Variants in ARHGAP18 observed in about 807,000 individuals in gnomAD.
ARHGAP18 encodes the protein rho GTPase-activating protein 18.
ARHGAP18 carries 67 observed loss-of-function variants against 86.2 expected under a neutral mutation model. That is an observed-to-expected ratio of 0.78 (90% CI 0.64 to 0.95). The LOEUF (loss-of-function observed/expected upper bound fraction) is 0.95, where lower values mean the gene tolerates loss of function less well. Ranked by LOEUF, ARHGAP18 falls within the 40% of genes least tolerant of loss-of-function variation. The pLI, the probability that ARHGAP18 is intolerant of heterozygous loss-of-function variation, is 0.00. For synonymous variants in ARHGAP18, 283 were observed against 280.4 expected (o/e 1.01, Z -0.09); for missense variants, 691 against 780.4 (o/e 0.89, Z 1.37).
intron 9 of ARHGAP18, 110 bp downstream of exon 9, chr6:129,607,783 T>C (rs754379528): frequency 1.7e-4 from 203 of 1,222,118 alleles, no homozygotes; most frequent in Non-Finnish European, 1.9e-4. Context: ...TGAGTCAATA[T>C]GTCCACCCAA....
At chr6:129,609,079 G>A (rs1330781446) in intron 8 of ARHGAP18, among the ~76,000 whole-genome samples, 1 of 145,786 alleles carries the variant, frequency 6.9e-6, no homozygotes, top group Non-Finnish European at 1.5e-5. Flanking sequence ...AGGAGAGAGA[G>A]GGGGCATGGA....
At chr6:129,683,082 T>G (rs9492359) in intron 1 of ARHGAP18, among the ~76,000 whole-genome samples, 6 of 151,002 alleles carry the variant, frequency 4.0e-5, no homozygotes, top group Non-Finnish European at 8.9e-5. Context: ...TTTTTTTTTG[T>G]TTTTTTTGAG....
At chr6:129,667,117 A>G (rs1218134926) in intron 1 of ARHGAP18, among the ~76,000 whole-genome samples, 1 of 152,156 alleles carries the variant, frequency 6.6e-6, no homozygotes, top group Non-Finnish European at 1.5e-5. Flanking sequence ...ATTTTTTTTA[A>G]TCTAAAGGGA....
chr6:129,610,189 A>T (rs956497064), intron 8 of ARHGAP18, among the ~76,000 whole-genome samples: 3 of 152,258 alleles, frequency 2.0e-5, no homozygotes, highest in African/African-American at 7.2e-5. Context: ...AAAAGTTAGT[A>T]GTTAATGGCT....
intron 10 of ARHGAP18, among the ~76,000 whole-genome samples, chr6:129,601,113 TG>T (rs1464675534): frequency 6.6e-6 from 1 of 151,606 alleles, no homozygotes; most frequent in African/African-American, 2.4e-5. Context: ...GAGAGAGGAG[TG>T]GGGAAGTGTC....
chr6:129,584,808 T>C (rs898198038), intron 12 of ARHGAP18, among the ~76,000 whole-genome samples: 2 of 152,170 alleles, frequency 1.3e-5, no homozygotes, highest in Admixed American at 1.3e-4. Flanking sequence ...ATACTATTAT[T>C]TATAACCATT....
At chr6:129,592,740 A>G (rs1268514003) in intron 12 of ARHGAP18, among the ~76,000 whole-genome samples, 1 of 152,098 alleles carries the variant, frequency 6.6e-6, no homozygotes, top group African/African-American at 2.4e-5. Context: ...ATACAAACCT[A>G]AGTCACAATA....
chr6:129,583,436 A>G lies in ARHGAP18; in HGVS notation c.1838+552T>C, dbSNP rs1788328071. Among the ~76,000 whole-genome samples, 3 of 152,214 alleles carry G rather than the reference A, an allele frequency of 2.0e-5. No homozygotes were observed. In the South Asian group the frequency reaches 6.2e-4, roughly 32 times the overall value. On this transcript the variant is annotated intron_variant, in intron 13 of 14. Transcript: ENST00000368149. ...CTCTCCCTGCCCCATCAACCCCAAAATATAGATGAAGGACCTGTTGTCCTT... is the reference window on the plus strand; with the variant it reads ...CTCTCCCTGCCCCATCAACCCCAAAGTATAGATGAAGGACCTGTTGTCCTT...
chr6:129,649,479 G>A (rs1470674725), intron 1 of ARHGAP18, among the ~76,000 whole-genome samples: 2 of 150,420 alleles, frequency 1.3e-5, no homozygotes, highest in African/African-American at 2.5e-5. Context: ...GCTGGAACCC[G>A]GGAGGCAGAG....
At chr6:129,628,360 C>G (rs1773088315) in intron 5 of ARHGAP18, among the ~76,000 whole-genome samples, 1 of 152,116 alleles carries the variant, frequency 6.6e-6, no homozygotes, top group Non-Finnish European at 1.5e-5. Context: ...TTAAAATAGC[C>G]ATTTCTTAAG....
chr6:129,698,882 G>A (rs1011730207), intron 1 of ARHGAP18, among the ~76,000 whole-genome samples: 1 of 151,922 alleles, frequency 6.6e-6, no homozygotes, highest in Non-Finnish European at 1.5e-5. Context: ...TAGTAGAGAC[G>A]GGGTTTCGCC....
chr6:129,620,545 C>T (rs1449583741), intron 5 of ARHGAP18, among the ~76,000 whole-genome samples: 2 of 152,202 alleles, frequency 1.3e-5, no homozygotes, highest in African/African-American at 2.4e-5. Flanking sequence ...CTAGTGTGTA[C>T]ATTTAATACA....
chr6:129,669,202 C>T (rs1028201216), intron 1 of ARHGAP18, among the ~76,000 whole-genome samples: 6 of 151,432 alleles, frequency 4.0e-5, no homozygotes, highest in African/African-American at 1.5e-4. Flanking sequence ...GACGGAGTCT[C>T]GCTCTCTCGC....
intron 2 of ARHGAP18, among the ~76,000 whole-genome samples, chr6:129,640,729 T>C (rs2114498911): frequency 6.6e-6 from 1 of 152,318 alleles, no homozygotes; most frequent in East Asian, 1.9e-4. Flanking sequence ...TAAGAAGTCA[T>C]TGTGTTGAGA....
intron 1 of ARHGAP18, among the ~76,000 whole-genome samples, chr6:129,649,214 G>GA (rs1247279685): frequency 2.0e-5 from 3 of 151,898 alleles, no homozygotes; most frequent in Non-Finnish European, 4.4e-5. Flanking sequence ...TTCATTTTGG[G>GA]AAAAAAATGA....
chr6:129,678,176 T>C (rs977375692), intron 1 of ARHGAP18, among the ~76,000 whole-genome samples: 5 of 152,196 alleles, frequency 3.3e-5, no homozygotes, highest in Non-Finnish European at 5.9e-5. Flanking sequence ...CCATGCCCCA[T>C]TGAACCCCAG....
chr6:129,629,315 G>T, intron 5 of ARHGAP18, 38 bp downstream of exon 5: 1 of 1,489,756 alleles, frequency 6.7e-7, no homozygotes. Context: ...ATATGTATAT[G>T]TACATATATG....
chr6:129,625,427 TTA>T lies in ARHGAP18; in HGVS notation c.786+3924_786+3925del, dbSNP rs567594205. On this transcript the variant is annotated intron_variant, in intron 5 of 14. Transcript: ENST00000368149. ...TATTATATATTATATATAATATATA[TTA>T]TATATAATATATATTTTATATTATA... is the stretch of plus-strand genomic sequence containing the variant. 8.1e-4 allele frequency among the ~76,000 whole-genome samples: 41 copies of T among 50,694 alleles called. 4 individuals carry two copies. Among genetic ancestry groups the T allele is most frequent in the African/African-American group, 4.3e-3 (39 of 9,022 alleles). The allele number at this position is 50,694 out of a possible 152,430, so 33.3% of individuals were successfully genotyped here. A position where few individuals can be genotyped will look rare whatever the true frequency, so the allele number is the denominator to read the frequency against.
intron 1 of ARHGAP18, among the ~76,000 whole-genome samples, chr6:129,667,467 ATATGTGTG>A (rs1554341316): frequency 1.0e-5 from 1 of 95,750 alleles, no homozygotes; most frequent in African/African-American, 4.1e-5. Flanking sequence ...AGAAAAATAT[ATATGTGTG>A]TGTGTGTGTG....
Sources: allele counts gnomAD v4.1 joint callset (sites outside exome capture counted in the v4.1 genomes callset), GRCh38; gene constraint gnomAD v4.1.1; transcripts MANE v1.5; gene names NCBI Gene and HGNC (gene_info 2026-07-23, HGNC 2026-07-21).